MGAT4C: variants seen among roughly 807,000 people sequenced by gnomAD.
MGAT4C encodes MGAT4 family member C.
A neutral mutation model predicts 40.1 loss-of-function variants in MGAT4C; 19 were observed. The observed-to-expected ratio is 0.47, with a 90% CI of 0.33 to 0.70. The LOEUF is 0.70. Ranked by LOEUF, MGAT4C falls within the 30% of genes least tolerant of loss-of-function variation. MGAT4C has a pLI of 0.02. For synonymous variants in MGAT4C, 181 were observed against 187.1 expected (o/e 0.97, Z 0.27); for missense variants, 491 against 563.2 (o/e 0.87, Z 1.30).
chr12:86,478,898 C>G (rs1306966992), intron 2 of MGAT4C, among the ~76,000 whole-genome samples: 1 of 151,952 alleles, frequency 6.6e-6, no homozygotes, highest in Non-Finnish European at 1.5e-5. Context: ...TATTTAATAT[C>G]TATTTTTAAA....
At chr12:86,570,756 T>A (rs988582793) in intron 2 of MGAT4C, among the ~76,000 whole-genome samples, 5 of 152,122 alleles carry the variant, frequency 3.3e-5, no homozygotes, top group African/African-American at 1.2e-4. Context: ...TACAACTACT[T>A]CAATTATAGC....
chr12:86,106,684 T>G (rs2135620675), intron 1 of MGAT4C, among the ~76,000 whole-genome samples: 1 of 152,240 alleles, frequency 6.6e-6, no homozygotes, highest in East Asian at 1.9e-4. Context: ...GTGACCTAAT[T>G]TTTGCCCTAA....
rs561530471 is a variant in MGAT4C, at chr12:85,958,285, C to T, written c.*21004G>A. 7.2e-5 allele frequency: 11 copies of T among 152,142 alleles called. No individual in the cohort carries two copies. Among genetic ancestry groups the T allele is most frequent in the African/African-American group, 2.7e-4 (11 of 41,408 alleles). 9.4% of individuals were successfully genotyped at this position (152,142 alleles called of 1,614,324 possible). ...ATGGAGTTTCACCTTGTTGGTCAGG[C>T]TGGTCTTGAGCTCCTGATTTCAGGA... On this transcript the variant is annotated 3_prime_UTR_variant, in exon 5 of 5. Transcript: ENST00000611864.
At chr12:86,079,505 C>T (rs983367881) in intron 1 of MGAT4C, among the ~76,000 whole-genome samples, 3 of 152,028 alleles carry the variant, frequency 2.0e-5, no homozygotes, top group African/African-American at 4.8e-5. Flanking sequence ...ATTTGGAAGT[C>T]TTAAAATATC....
intron 2 of MGAT4C, among the ~76,000 whole-genome samples, chr12:86,664,511 A>T (rs970877327): frequency 6.6e-6 from 1 of 152,192 alleles, no homozygotes; most frequent in African/African-American, 2.4e-5. Context: ...TATATACTAT[A>T]TCAATGATTT....
chr12:86,280,899 T>C (rs903376126), intron 4 of MGAT4C, among the ~76,000 whole-genome samples: 2 of 152,104 alleles, frequency 1.3e-5, no homozygotes, highest in African/African-American at 4.8e-5. Context: ...TGTGCTCTTG[T>C]ACAGAGAATA....
At chr12:86,335,369 T>A (rs191348663) in intron 3 of MGAT4C, among the ~76,000 whole-genome samples, 1 of 152,234 alleles carries the variant, frequency 6.6e-6, no homozygotes, top group African/African-American at 2.4e-5. Context: ...CAGAGATACA[T>A]CCCTTTGAAA....
At chr12:86,229,717 A>G (rs1464157460) in intron 1 of MGAT4C, among the ~76,000 whole-genome samples, 1 of 152,076 alleles carries the variant, frequency 6.6e-6, no homozygotes, top group Non-Finnish European at 1.5e-5. Context: ...GAGCATCTTA[A>G]AATGGAATAA....
At chr12:86,144,613 T>G (rs928640226) in intron 1 of MGAT4C, among the ~76,000 whole-genome samples, 3 of 152,210 alleles carry the variant, frequency 2.0e-5, no homozygotes, top group African/African-American at 7.2e-5. Context: ...CAGATTCATT[T>G]TATCAGGATC....
Position 86,774,350 on chromosome 12 carries a change from TCTCCCCTC to T in MGAT4C, c.-261-47117_-261-47110del, listed in dbSNP as rs1565981751. Among the ~76,000 whole-genome samples the T allele has an allele frequency of 1.4e-3, 117 of 84,138 alleles. 1 individual carries two copies. The highest frequency in any genetic ancestry group is 2.0e-3 in the Non-Finnish European group (77 of 38,460). The allele number at this position is 84,138 out of a possible 152,430, so 55.2% of individuals were successfully genotyped here. The stretch of plus-strand genomic sequence containing the variant: ...TTCTTTCTTTCTTTCTGTCTCTCTC[TCTCCCCTC>T]TCTCTCTCTCTCTTTCTGTCTGTCT... On this transcript the variant is annotated intron_variant, in intron 1 of 7. Transcript: ENST00000548651.
chr12:86,359,504 TAAAA>T (rs538400676), intron 3 of MGAT4C, among the ~76,000 whole-genome samples: 1 of 144,148 alleles, frequency 6.9e-6, no homozygotes, highest in South Asian at 2.2e-4. Context: ...GATAGAGACA[TAAAA>T]AAAAAACCCT....
At chr12:86,077,557 C>T (rs1869989062) in intron 1 of MGAT4C, among the ~76,000 whole-genome samples, 1 of 152,174 alleles carries the variant, frequency 6.6e-6, no homozygotes, top group Admixed American at 6.5e-5. Flanking sequence ...TGCAGCTGGT[C>T]ACATGGTCAT....
intron 1 of MGAT4C, among the ~76,000 whole-genome samples, chr12:86,115,972 C>T (rs977802343): frequency 6.6e-6 from 1 of 151,946 alleles, no homozygotes; most frequent in Admixed American, 6.6e-5. Flanking sequence ...AGGATTTCAA[C>T]GTATGAATTT....
intron 2 of MGAT4C, among the ~76,000 whole-genome samples, chr12:86,626,034 A>G (rs1430463635): frequency 2.0e-5 from 3 of 152,182 alleles, no homozygotes; most frequent in Non-Finnish European, 4.4e-5. Context: ...TAAAAACAAA[A>G]GGATGAAAAG....
intron 1 of MGAT4C, among the ~76,000 whole-genome samples, chr12:86,155,601 T>G (rs1351815964): frequency 6.6e-6 from 1 of 152,146 alleles, no homozygotes; most frequent in Non-Finnish European, 1.5e-5. Context: ...TGCAAAGGTA[T>G]GAAGGAGCAG....
At chr12:86,583,007 T>C (rs1960856694) in intron 2 of MGAT4C, among the ~76,000 whole-genome samples, 2 of 151,310 alleles carry the variant, frequency 1.3e-5, no homozygotes. Context: ...AACTGGGAAA[T>C]AATATAAAAG....
In MGAT4C at chr12:85,978,356, C is replaced by G. The variant is rs1385646109; in HGVS notation, c.*933G>C. On this transcript the variant is annotated 3_prime_UTR_variant, in exon 5 of 5. Coordinates refer to ENST00000611864, the MANE Select transcript of MGAT4C (RefSeq NM_001351288.2). ...ACTAATTTCTATGGTTCTTACTTTT[C>G]TCCTTTATAATATACCCATTTAAAT... The G allele has an allele frequency of 6.6e-6, 1 of 151,590 alleles. No homozygotes were observed. The highest frequency in any genetic ancestry group is 2.4e-5 in the African/African-American group (1 of 41,384). 9.4% of individuals were successfully genotyped at this position (151,590 alleles called of 1,614,324 possible).
At chr12:86,654,893 G>T (rs929393933) in intron 2 of MGAT4C, among the ~76,000 whole-genome samples, 5 of 151,550 alleles carry the variant, frequency 3.3e-5, no homozygotes, top group African/African-American at 1.2e-4. Flanking sequence ...AACTTTTTGT[G>T]GAAGGAAGGA....
At chr12:86,320,901 C>G (rs1036894311) in intron 4 of MGAT4C, among the ~76,000 whole-genome samples, 9 of 152,098 alleles carry the variant, frequency 5.9e-5, no homozygotes, top group Admixed American at 1.3e-4. Flanking sequence ...GTTACCACAT[C>G]ATTTTTCTTA....
Sources: allele counts gnomAD v4.1 joint callset (sites outside exome capture counted in the v4.1 genomes callset), GRCh38; gene constraint gnomAD v4.1.1; transcripts MANE v1.5; gene names NCBI Gene and HGNC (gene_info 2026-07-23, HGNC 2026-07-21).